CPNE1: variants seen among roughly 807,000 people sequenced by gnomAD.
CPNE1 encodes the protein copine 1, also known as copine-1.
CPNE1 carries 58 observed loss-of-function variants against 63.2 expected under a neutral mutation model. The observed-to-expected ratio is 0.92, with a 90% CI of 0.74 to 1.14. The LOEUF (loss-of-function observed/expected upper bound fraction) is 1.14. Among genes scored for constraint, CPNE1 ranks in the 50% most tolerant of loss-of-function variants. CPNE1 has a pLI of 0.00. For missense variants in CPNE1, 672 were observed against 661.7 expected (o/e 1.02, Z -0.17); for synonymous variants, 237 against 249.0 (o/e 0.95, Z 0.45).
chr20:35,647,719 C>A (rs1452334903), intron 1 of CPNE1, among the ~76,000 whole-genome samples: 1 of 151,878 alleles, frequency 6.6e-6, no homozygotes, highest in Non-Finnish European at 1.5e-5. Flanking sequence ...CACAAAGCAG[C>A]CAAAGCACCA....
At chr20:35,637,992 GTATC>G (rs2032584777) in intron 1 of CPNE1, among the ~76,000 whole-genome samples, 1 of 152,156 alleles carries the variant, frequency 6.6e-6, no homozygotes, top group Non-Finnish European at 1.5e-5. Flanking sequence ...ACCCACAGCA[GTATC>G]TATCTATCCT....
In CPNE1 at chr20:35,653,797, C is replaced by G. The variant is rs1414650187; in HGVS notation, c.-1+10963G>C. 1.2e-6 allele frequency: 2 copies of G among 1,613,780 alleles called. No individual in the cohort carries two copies. The highest frequency in any genetic ancestry group is 2.2e-5 in the East Asian group (1 of 44,900). On this transcript the variant is annotated intron_variant, in intron 1 of 15. Transcript: ENST00000397443. ...AATCATATCTATCTTTTCTAGCATA[C>G]CTTTCTTAGTAATTGGATGAACTTG... is the stretch of plus-strand genomic sequence containing the variant.
At position 35,634,494 on chromosome 20, in the gene CPNE1, T is replaced by C. The variant is rs375413375; in HGVS notation, c.1-1571A>G. Among the ~76,000 whole-genome samples the C allele has an allele frequency of 4.6e-5, 7 of 151,762 alleles. No homozygotes were observed. The South Asian group carries it at 1.2e-3, about 27-fold the overall frequency. ...CTGTAATCCTAGCACTTTGGGAGGCTGAGGCAGGAGAATCGCTTGAACCTG... is the reference window on the plus strand; with the variant it reads ...CTGTAATCCTAGCACTTTGGGAGGCCGAGGCAGGAGAATCGCTTGAACCTG... On this transcript the variant is annotated intron_variant, in intron 1 of 15. Coordinates refer to ENST00000397443, the MANE Select transcript of CPNE1 (RefSeq NM_152925.3).
chr20:35,652,597 T>C (rs1159136753), intron 1 of CPNE1: 1 of 1,614,242 alleles, frequency 6.2e-7, no homozygotes, highest in East Asian at 2.2e-5. Flanking sequence ...AGCTGTGGCT[T>C]CATCCCGAGA....
intron 1 of CPNE1, among the ~76,000 whole-genome samples, chr20:35,642,232 TA>T (rs1052028418): frequency 2.0e-4 from 30 of 152,320 alleles, no homozygotes; most frequent in African/African-American, 7.2e-4. Context: ...TGTCAGTCCT[TA>T]ACACTTCCCT....
At chr20:35,663,911 C>A (rs1425695152) in intron 1 of CPNE1, among the ~76,000 whole-genome samples, 1 of 152,194 alleles carries the variant, frequency 6.6e-6, no homozygotes, top group African/African-American at 2.4e-5. Context: ...TCAAAAGCAC[C>A]CACCCTCCGC....
At chr20:35,637,503 A>G (rs945364841) in intron 1 of CPNE1, among the ~76,000 whole-genome samples, 1 of 152,086 alleles carries the variant, frequency 6.6e-6, no homozygotes, top group Non-Finnish European at 1.5e-5. Context: ...TGGTTCATCT[A>G]ACACACATGC....
intron 1 of CPNE1, chr20:35,654,529 G>A (rs1235618557): frequency 6.2e-7 from 1 of 1,614,172 alleles, no homozygotes; most frequent in Non-Finnish European, 8.5e-7. Flanking sequence ...CAAATTCATA[G>A]GTGCTCCAGA....
intron 1 of CPNE1, among the ~76,000 whole-genome samples, chr20:35,660,912 C>T: frequency 6.6e-6 from 1 of 152,124 alleles, no homozygotes; most frequent in East Asian, 1.9e-4. Context: ...GGGAACTCAC[C>T]AGGTCTACTC....
Position 35,631,349 on chromosome 20 carries a change from C to T in CPNE1, c.720G>A (p.Glu240=). The part of the protein sequence containing the change: ...SLAQLQAVPA[E]FECIHPEKQQ... ...GCTTCTCAGGGTGGATGCATTCAAA[C>T]TCAGCCTGGTGAGGACAGAAAAATT... Residue 240 remains glutamate, a synonymous_variant, in exon 9 of 16, where the codon GAG becomes GAA. Coordinates refer to ENST00000397443, the MANE Select transcript of CPNE1 (RefSeq NM_152925.3). The T allele has an allele frequency of 6.2e-7, 1 of 1,614,126 alleles. No homozygotes were observed. Among genetic ancestry groups the T allele is most frequent in the Middle Eastern group, 1.7e-4 (1 of 6,060 alleles).
chr20:35,643,290 C>T (rs2032920180), intron 1 of CPNE1: 1 of 154,510 alleles, frequency 6.5e-6, no homozygotes, highest in Admixed American at 6.5e-5. Flanking sequence ...TGAAGACGAC[C>T]ATCCCTGAGA....
At chr20:35,643,021 A>T (rs549193965) in intron 1 of CPNE1, 2 of 152,282 alleles carry the variant, frequency 1.3e-5, no homozygotes, top group Non-Finnish European at 2.9e-5. Flanking sequence ...GGCTTATCCA[A>T]AAGTTGAACA....
intron 1 of CPNE1, among the ~76,000 whole-genome samples, chr20:35,639,168 T>C (rs1177733961): frequency 6.6e-6 from 1 of 151,790 alleles, no homozygotes; most frequent in Non-Finnish European, 1.5e-5. Context: ...TGTTTACAAG[T>C]GTACCGATGA....
intron 13 of CPNE1, 28 bp downstream of exon 13, chr20:35,630,411 C>T (rs1032619497): frequency 3.1e-6 from 5 of 1,608,630 alleles, no homozygotes; most frequent in Non-Finnish European, 4.3e-6. Flanking sequence ...GTGGACAGAC[C>T]TGCCTCAGGG....
intron 1 of CPNE1, among the ~76,000 whole-genome samples, chr20:35,635,171 T>C (rs2146295031): frequency 6.6e-6 from 1 of 152,264 alleles, no homozygotes; most frequent in South Asian, 2.1e-4. Context: ...CCCTGTTTTA[T>C]ATATACATAT....
chr20:35,630,493 G>A lies in CPNE1; in HGVS notation c.1051-3C>T. Reference sequence around the variant, plus strand: ...TTCAAGGCAAATTCATGCGAGACCTGGAGACAAGAATGAAAATGAGGTTCT... The same window carrying A: ...TTCAAGGCAAATTCATGCGAGACCTAGAGACAAGAATGAAAATGAGGTTCT... On this transcript the variant is annotated splice_polypyrimidine_tract_variant and splice_region_variant and intron_variant, in intron 12 of 15. Coordinates refer to ENST00000397443, the MANE Select transcript of CPNE1 (RefSeq NM_152925.3). 6.2e-7 allele frequency: 1 copy of A among 1,614,016 alleles called. No homozygotes were observed. Among genetic ancestry groups the A allele is most frequent in the African/African-American group, 1.3e-5 (1 of 75,044 alleles).
At chr20:35,662,998 T>A (rs1041386513) in intron 1 of CPNE1, among the ~76,000 whole-genome samples, 28 of 152,354 alleles carry the variant, frequency 1.8e-4, no homozygotes, top group Admixed American at 1.8e-3. Flanking sequence ...TATAAAAATG[T>A]ATTCCCTGTT....
intron 1 of CPNE1, among the ~76,000 whole-genome samples, chr20:35,656,643 T>A (rs2033915552): frequency 6.6e-6 from 1 of 152,182 alleles, no homozygotes; most frequent in Non-Finnish European, 1.5e-5. Context: ...CAAGTAATTC[T>A]CCTGCCTCAG....
At chr20:35,651,095 C>T (rs2033481728) in intron 1 of CPNE1, 1 of 152,136 alleles carries the variant, frequency 6.6e-6, no homozygotes, top group Non-Finnish European at 1.5e-5. Flanking sequence ...GGAAAGTAAC[C>T]ATAATTAGAG....
Sources: gnomAD v4.1 joint callset for allele counts (sites outside exome capture counted in the v4.1 genomes callset) on GRCh38, gnomAD v4.1.1 for gene constraint, MANE v1.5 for transcripts, NCBI Gene and HGNC (gene_info 2026-07-23, HGNC 2026-07-21) for gene names.